Variants in NELL1 observed in about 807,000 individuals in gnomAD.
NELL1 encodes the protein neural EGFL like 1.
Under a neutral mutation model 107.4 loss-of-function variants are expected in NELL1, and 76 were observed. The ratio of observed to expected loss-of-function variants is 0.71; its 90% CI spans 0.59 to 0.86. The LOEUF is 0.86. NELL1 is among the 40% of genes least tolerant of loss of function. The probability of loss-of-function intolerance (pLI) is 0.00; values close to 1 mark genes in which losing one functional copy is unlikely to be tolerated. For missense variants in NELL1, 1,024 were observed against 1,005.5 expected, an observed-to-expected ratio of 1.02 and a Z score of -0.25; for synonymous variants, 353 against 341.2, an observed-to-expected ratio of 1.03 and a Z score of -0.38.
At chr11:20,705,115 C>T (rs973879467) in intron 2 of NELL1, among the ~76,000 whole-genome samples, 2 of 152,124 alleles carry the variant, frequency 1.3e-5, no homozygotes, top group East Asian at 3.8e-4. Flanking sequence ...TGAATGACAT[C>T]CCCATCAAGC....
At chr11:21,212,958 T>C (rs1340629545) in intron 13 of NELL1, among the ~76,000 whole-genome samples, 2 of 152,112 alleles carry the variant, frequency 1.3e-5, no homozygotes, top group East Asian at 1.9e-4. Flanking sequence ...ATGTAGAAAA[T>C]GTCAAGAAAT....
chr11:21,433,381 TTGGA>T (rs1201058484), intron 15 of NELL1, among the ~76,000 whole-genome samples: 1 of 152,206 alleles, frequency 6.6e-6, no homozygotes, highest in Non-Finnish European at 1.5e-5. Context: ...TTTATTTCCT[TTGGA>T]TAAATACCCA....
At chr11:20,709,649 A>G (rs1232305713) in intron 2 of NELL1, among the ~76,000 whole-genome samples, 3 of 152,094 alleles carry the variant, frequency 2.0e-5, no homozygotes, top group East Asian at 3.9e-4. Flanking sequence ...CATTTTCACA[A>G]TATTGATTCT....
At chr11:21,224,163 T>C (rs931711642) in intron 13 of NELL1, among the ~76,000 whole-genome samples, 1 of 152,156 alleles carries the variant, frequency 6.6e-6, no homozygotes, top group Non-Finnish European at 1.5e-5. Flanking sequence ...GTTACATTTA[T>C]TTGGGGGCTT....
intron 16 of NELL1, among the ~76,000 whole-genome samples, chr11:21,542,984 A>G (rs1317679572): frequency 6.6e-6 from 1 of 152,052 alleles, no homozygotes; most frequent in African/African-American, 2.4e-5. Flanking sequence ...GTCAAGAAGT[A>G]AAGTCTCAAG....
At chr11:21,273,558 C>G (rs1204905969) in intron 14 of NELL1, among the ~76,000 whole-genome samples, 2 of 152,174 alleles carry the variant, frequency 1.3e-5, no homozygotes, top group Non-Finnish European at 2.9e-5. Context: ...GAGAACACCA[C>G]AAAGATGCTC....
At chr11:21,337,304 C>T (rs12800887) in intron 14 of NELL1, among the ~76,000 whole-genome samples, 1 of 152,020 alleles carries the variant, frequency 6.6e-6, no homozygotes, top group Non-Finnish European at 1.5e-5. Context: ...CCATCCATCA[C>T]ATTTGATATG....
chr11:21,498,910 AATTT>A (rs1424529354), intron 15 of NELL1, among the ~76,000 whole-genome samples: 2 of 151,936 alleles, frequency 1.3e-5, no homozygotes, highest in South Asian at 4.1e-4. Flanking sequence ...AACATCTTTT[AATTT>A]ATTTATTGAT....
At chr11:20,811,722 T>G (rs1857505552) in intron 3 of NELL1, among the ~76,000 whole-genome samples, 1 of 152,110 alleles carries the variant, frequency 6.6e-6, no homozygotes, top group Non-Finnish European at 1.5e-5. Flanking sequence ...CTTTCTTGAT[T>G]TCTTTTTCAA....
intron 12 of NELL1, among the ~76,000 whole-genome samples, chr11:21,067,432 A>G (rs1338862727): frequency 6.6e-6 from 1 of 152,146 alleles, no homozygotes; most frequent in Non-Finnish European, 1.5e-5. Context: ...ATGTAACACT[A>G]CTGTCTCTAA....
intron 14 of NELL1, among the ~76,000 whole-genome samples, chr11:21,250,638 T>C (rs2133909849): frequency 6.6e-6 from 1 of 152,292 alleles, no homozygotes; most frequent in South Asian, 2.1e-4. Context: ...TTGGGTAAGA[T>C]TAAACCAGTG....
At chr11:20,756,843 A>G (rs979319768) in intron 2 of NELL1, among the ~76,000 whole-genome samples, 12 of 152,176 alleles carry the variant, frequency 7.9e-5, no homozygotes, top group Non-Finnish European at 1.2e-4. Flanking sequence ...ACTAGACTCC[A>G]TAGTGGAGCT....
intron 15 of NELL1, among the ~76,000 whole-genome samples, chr11:21,482,982 T>A (rs1210375718): frequency 6.6e-6 from 1 of 152,080 alleles, no homozygotes; most frequent in South Asian, 2.1e-4. Context: ...CCATTAGGCC[T>A]CTATAATTTT....
intron 15 of NELL1, among the ~76,000 whole-genome samples, chr11:21,396,011 G>C (rs1481417200): frequency 6.6e-6 from 1 of 151,586 alleles, no homozygotes; most frequent in African/African-American, 2.4e-5. Flanking sequence ...TTCAATTCCA[G>C]TAGCAAGTGG....
At chr11:21,517,133 TG>T (rs1267255485) in intron 15 of NELL1, among the ~76,000 whole-genome samples, 1 of 151,964 alleles carries the variant, frequency 6.6e-6, no homozygotes, top group Non-Finnish European at 1.5e-5. Context: ...TCATGGTATA[TG>T]CTGTTAAGTA....
intron 17 of NELL1, among the ~76,000 whole-genome samples, chr11:21,568,895 A>C (rs1434678897): frequency 6.6e-6 from 1 of 151,508 alleles, no homozygotes; most frequent in Non-Finnish European, 1.5e-5. Context: ...AGTAGGAAGA[A>C]TACATTCTAA....
chr11:21,407,084 G>A (rs1368675106), intron 15 of NELL1, among the ~76,000 whole-genome samples: 3 of 151,962 alleles, frequency 2.0e-5, no homozygotes, highest in Admixed American at 1.3e-4. Flanking sequence ...ATGTTTGATT[G>A]TTAGTATCCA....
At chr11:20,719,891 A>T (rs979674576) in intron 2 of NELL1, among the ~76,000 whole-genome samples, 8 of 86,110 alleles carry the variant, frequency 9.3e-5, no homozygotes, top group Non-Finnish European at 2.1e-4. Context: ...GATTTAATGG[A>T]AAAACCAGAC....
At chr11:21,463,089 A>T (rs1185465489) in intron 15 of NELL1, among the ~76,000 whole-genome samples, 1 of 152,044 alleles carries the variant, frequency 6.6e-6, no homozygotes, top group Non-Finnish European at 1.5e-5. Flanking sequence ...AAATTTTACC[A>T]CAGAGACTGG....
Sources: gnomAD v4.1 joint callset for allele counts (sites outside exome capture counted in the v4.1 genomes callset) on GRCh38, gnomAD v4.1.1 for gene constraint, MANE v1.5 for transcripts, NCBI Gene and HGNC (gene_info 2026-07-23, HGNC 2026-07-21) for gene names.